PRPF4: variants seen among roughly 807,000 people sequenced by gnomAD.
PRPF4 encodes U4/U6 small nuclear ribonucleoprotein Prp4.
In PRPF4, 14 loss-of-function variants were observed where a neutral mutation model predicts 72.2. The observed-to-expected ratio is 0.19, with a 90% confidence interval of 0.13 to 0.30. PRPF4 has a LOEUF of 0.30. Among genes scored for constraint, PRPF4 ranks in the 10% least tolerant of loss-of-function variants. PRPF4 has a pLI of 1.00. For synonymous variants in PRPF4, 225 were observed against 232.2 expected (o/e 0.97, Z 0.28); for missense variants, 478 against 653.9 (o/e 0.73, Z 2.93).
At position 113,279,235 on chromosome 9, in the gene PRPF4, C is replaced by T. The variant is rs113462395; in HGVS notation, c.392+104C>T. On this transcript the variant is annotated intron_variant, in intron 3 of 13. Coordinates refer to ENST00000374198, the MANE Select transcript of PRPF4 (RefSeq NM_001244926.2). ...TGAACTTTAATAGAATGTCTCAAAT[C>T]ATGTTAACAATATCTTACTGTGTTT... The T allele has an allele frequency of 0.012, 12,709 of 1,060,794 alleles. 861 individuals carry two copies. In the African/African-American group the frequency reaches 0.16, roughly 13 times the overall value. The allele number at this position is 1,060,794 out of a possible 1,614,324, so 65.7% of individuals were successfully genotyped here.
rs369899984 is a variant in PRPF4, at chr9:113,279,082, G to T, written c.343G>T (p.Gly115Trp). 1.2e-6 allele frequency: 2 copies of T among 1,614,040 alleles called. No homozygotes were observed. The highest frequency in any genetic ancestry group is 1.7e-6 in the Non-Finnish European group (2 of 1,180,026). Reference sequence around the variant, plus strand: ...GGTCAAAGCTTGCCTTAGAGCCTTGGGGGAACCCATCACACTTTTTGGAGA... The same window carrying T: ...GGTCAAAGCTTGCCTTAGAGCCTTGTGGGAACCCATCACACTTTTTGGAGA... Reference protein sequence around the residue: ...SEVKACLRALGEPITLFGEGP... With the variant: ...SEVKACLRALWEPITLFGEGP... Residue 115 changes from glycine to tryptophan, a missense_variant, in exon 3 of 14, where the codon GGG (glycine) becomes TGG (tryptophan). Physicochemically the swap from Gly to Trp is radical, Grantham distance 184. Coordinates refer to ENST00000374198, the MANE Select transcript of PRPF4 (RefSeq NM_001244926.2).
At chr9:113,279,335 T>TTTTTG (rs148026338) in intron 3 of PRPF4, among the ~76,000 whole-genome samples, 7,720 of 150,274 alleles carry the variant, frequency 0.051, 580 homozygotes, top group African/African-American at 0.17. Flanking sequence ...TGTTTGTTCG[T>TTTTTG]TTTTGTTTTG....
rs1227430895 is a variant in PRPF4, at chr9:113,276,604, C to T, written c.84C>T (p.His28=). 3.1e-6 allele frequency: 5 copies of T among 1,614,126 alleles called. No individual in the cohort carries two copies. The Admixed American group carries it at 5.0e-5, about 16-fold the overall frequency. Residue 28 remains histidine (H), a synonymous_variant, in exon 2 of 14, where the codon CAC becomes CAT. Transcript: ENST00000374198. ...TTGCTCCGGTCGTGAAGAAACCACA[C>T]ATCTATTATGGAAGTTTGGAAGAGA... ...DLVAPVVKKP[H]IYYGSLEEKE... is the part of the protein sequence containing the mutation.
intron 3 of PRPF4, among the ~76,000 whole-genome samples, chr9:113,280,742 G>C (rs1832253315): frequency 1.3e-5 from 2 of 152,162 alleles, no homozygotes; most frequent in African/African-American, 4.8e-5. Context: ...TACTAGAATA[G>C]CCACATTGGT....
At chr9:113,286,932 A>C in intron 9 of PRPF4, 104 bp downstream of exon 9, 1 of 1,521,862 alleles carries the variant, frequency 6.6e-7, no homozygotes, top group African/African-American at 1.4e-5. Flanking sequence ...GGCCATGCGC[A>C]GTGGCTCACA....
At position 113,279,128 on chromosome 9, in the gene PRPF4, A is replaced by T; in HGVS notation, c.389A>T (p.Glu130Val). The change falls in exon 3 of 14, where the codon GAA (glutamate) becomes GTA (valine). Residue 130 changes from glutamate (E) to valine (V), a missense_variant. Transcript: ENST00000374198. ...GGAGAGGGTCCTGCTGAAAGAAGAGAAAGGTTGCCTTTCTAAATATTTACT... is the reference window on the plus strand; with the variant it reads ...GGAGAGGGTCCTGCTGAAAGAAGAGTAAGGTTGCCTTTCTAAATATTTACT... ...LFGEGPAERR[E>V]RLRNILSVVG... The T allele has an allele frequency of 6.2e-7, 1 of 1,601,692 alleles. No homozygotes were observed. The highest frequency in any genetic ancestry group is 8.5e-7 in the Non-Finnish European group (1 of 1,174,532).
Position 113,291,027 on chromosome 9 carries a change from C to T in PRPF4, c.1372+11C>T. 6.2e-7 allele frequency: 1 copy of T among 1,604,268 alleles called. No homozygotes were observed. The highest frequency in any genetic ancestry group is 1.7e-4 in the Middle Eastern group (1 of 6,044). On this transcript the variant is annotated intron_variant, in intron 13 of 13. Transcript: ENST00000374198. ...GTGTCAAGTTTGAGCGTAAGCTTTCCTCCTATTTTACGTCTAAATGACACA... is the reference window on the plus strand; with the variant it reads ...GTGTCAAGTTTGAGCGTAAGCTTTCTTCCTATTTTACGTCTAAATGACACA...
chr9:113,287,740 C>G (rs1321580047), intron 9 of PRPF4, among the ~76,000 whole-genome samples: 1 of 152,160 alleles, frequency 6.6e-6, no homozygotes, highest in Non-Finnish European at 1.5e-5. Flanking sequence ...GACAAAGTTC[C>G]CTTTTTAATT....
Position 113,290,556 on chromosome 9 carries a change from C to G in PRPF4, c.1113C>G (p.Ala371=). 1 of 1,614,212 alleles carries G rather than the reference C, an allele frequency of 6.2e-7. No individual in the cohort carries two copies. Among genetic ancestry groups the G allele is most frequent in the Non-Finnish European group, 8.5e-7 (1 of 1,180,034 alleles). Residue 371 remains alanine, a synonymous_variant, in exon 11 of 14, where the codon GCC becomes GCG. Transcript: ENST00000374198. ...ATAGCATGGGTGTGTATGACATTGCCTTCCATCAAGATGGCTCTTTGGCTG... is the reference window on the plus strand; with the variant it reads ...ATAGCATGGGTGTGTATGACATTGCGTTCCATCAAGATGGCTCTTTGGCTG... ...EGHSMGVYDI[A]FHQDGSLAGT...
At chr9:113,289,946 A>G (rs1832559562) in intron 10 of PRPF4, among the ~76,000 whole-genome samples, 1 of 152,200 alleles carries the variant, frequency 6.6e-6, no homozygotes, top group Admixed American at 6.5e-5. Context: ...TAGGTTGGGC[A>G]TGGTGGCTCA....
chr9:113,279,509 A>T (rs1428980061), intron 3 of PRPF4, among the ~76,000 whole-genome samples: 2 of 151,966 alleles, frequency 1.3e-5, no homozygotes, highest in African/African-American at 4.8e-5. Flanking sequence ...GATTACAGGC[A>T]CCTGCCACCA....
At chr9:113,281,480 A>G (rs1329017304) in intron 3 of PRPF4, among the ~76,000 whole-genome samples, 1 of 152,088 alleles carries the variant, frequency 6.6e-6, no homozygotes, top group Non-Finnish European at 1.5e-5. Flanking sequence ...TTTCCCTGCC[A>G]TTATTCTTCC....
intron 8 of PRPF4, 47 bp from the exon 9 acceptor site, chr9:113,286,658 A>G (rs776165275): frequency 6.2e-7 from 1 of 1,612,664 alleles, no homozygotes; most frequent in South Asian, 1.1e-5. Flanking sequence ...AACATGGGTT[A>G]TAAAGAGGCA....
chr9:113,278,056 AATTG>A (rs1832166402), intron 2 of PRPF4, among the ~76,000 whole-genome samples: 1 of 152,232 alleles, frequency 6.6e-6, no homozygotes, highest in Non-Finnish European at 1.5e-5. Flanking sequence ...TTTTAAAATT[AATTG>A]ATTGTATATC....
In PRPF4 at chr9:113,276,643, T is replaced by C. The variant is rs1446418010; in HGVS notation, c.123T>C (p.Arg41=). The change falls in exon 2 of 14, where the codon CGT becomes CGC. Residue 41 remains arginine (R), a synonymous_variant. Coordinates refer to ENST00000374198, the MANE Select transcript of PRPF4 (RefSeq NM_001244926.2). ...YGSLEEKERE[R]LAKGESGILG... is the part of the protein sequence containing the mutation. ...GTTTGGAAGAGAAGGAGAGGGAGCGTCTGGCCAAAGGAGAGTCTGGGATTT... is the reference window on the plus strand; with the variant it reads ...GTTTGGAAGAGAAGGAGAGGGAGCGCCTGGCCAAAGGAGAGTCTGGGATTT... 2 of 1,614,072 alleles carry C rather than the reference T, an allele frequency of 1.2e-6. No individual in the cohort carries two copies. The highest frequency in any genetic ancestry group is 1.7e-5 in the Admixed American group (1 of 60,006).
intron 8 of PRPF4, 56 bp downstream of exon 8, chr9:113,286,346 G>A: frequency 6.8e-7 from 1 of 1,472,814 alleles, no homozygotes; most frequent in Non-Finnish European, 9.5e-7. Context: ...ACTCAGTTAA[G>A]CCTTAAACTC....
In PRPF4 at chr9:113,282,630, T is replaced by TTG; in HGVS notation, c.393-15_393-14insGT. On this transcript the variant is annotated splice_polypyrimidine_tract_variant and intron_variant, in intron 3 of 13. Transcript: ENST00000374198. ...AACCATGTTTAAATTCTGATCTTTT[T>TTG]TTTTTTTTTTAACAGGTTAAGAAAT... The TTG allele has an allele frequency of 6.4e-7, 1 of 1,553,424 alleles. No homozygotes were observed. The highest frequency in any genetic ancestry group is 8.7e-7 in the Non-Finnish European group (1 of 1,143,180).
chr9:113,277,839 A>G (rs1012271796), intron 2 of PRPF4, among the ~76,000 whole-genome samples: 2 of 152,170 alleles, frequency 1.3e-5, no homozygotes, highest in African/African-American at 2.4e-5. Context: ...CATCTCTACA[A>G]AAAGTAGAAA....
At chr9:113,277,896 G>A (rs1262787496) in intron 2 of PRPF4, among the ~76,000 whole-genome samples, 1 of 152,108 alleles carries the variant, frequency 6.6e-6, no homozygotes, top group Non-Finnish European at 1.5e-5. Context: ...GCTAATTGGG[G>A]TTCTGAGGTG....
Sources: allele counts gnomAD v4.1 joint callset (sites outside exome capture counted in the v4.1 genomes callset), GRCh38; gene constraint gnomAD v4.1.1; transcripts MANE v1.5; gene names NCBI Gene and HGNC (gene_info 2026-07-23, HGNC 2026-07-21).